The following SWT1 variants were observed in gnomAD, a reference collection of about 807,000 sequenced individuals.
SWT1 encodes the protein SWT1 RNA endoribonuclease homolog.
A neutral mutation model predicts 107.3 loss-of-function variants in SWT1; 33 were observed. That is an observed-to-expected ratio of 0.31 (90% CI 0.23 to 0.41). The LOEUF is 0.41. SWT1 is among the 10% of genes least tolerant of loss of function. The pLI is 1.00. For missense variants in SWT1, 898 were observed against 1,028.9 expected (o/e 0.87, Z 1.74); for synonymous variants, 345 against 348.3 (o/e 0.99, Z 0.11).
chr1:185,274,270 T>C (rs926165912), intron 17 of SWT1, among the ~76,000 whole-genome samples: 2 of 148,340 alleles, frequency 1.3e-5, no homozygotes, highest in African/African-American at 4.9e-5. Flanking sequence ...GTCAGATATA[T>C]GTAATATATA....
Position 185,205,354 on chromosome 1 carries a change from A to G in SWT1, c.1833+491A>G, listed in dbSNP as rs1227157109. 3.9e-5 allele frequency among the ~76,000 whole-genome samples: 6 copies of G among 152,194 alleles called. No homozygotes were observed. In the South Asian group the frequency reaches 1.2e-3, roughly 32 times the overall value. Reference sequence around the variant, plus strand: ...TAAAACTCTAATAATAATGGTTTCAAAAGTTCAGTGTTTTTTGTTTTGTTT... The same window carrying G: ...TAAAACTCTAATAATAATGGTTTCAGAAGTTCAGTGTTTTTTGTTTTGTTT... On this transcript the variant is annotated intron_variant, in intron 12 of 18. Transcript: ENST00000367500.
At chr1:185,198,225 A>C (rs1290391536) in intron 10 of SWT1, among the ~76,000 whole-genome samples, 1 of 152,174 alleles carries the variant, frequency 6.6e-6, no homozygotes, top group African/African-American at 2.4e-5. Context: ...CAGGTTGTTC[A>C]GTTTCCATGA....
At chr1:185,161,044 A>G (rs935580666) in intron 2 of SWT1, 119 bp downstream of exon 2, 3 of 748,108 alleles carry the variant, frequency 4.0e-6, no homozygotes, top group Admixed American at 2.9e-5. Context: ...CAGCCGATCC[A>G]GGAAAAGTCA....
chr1:185,267,352 C>T lies in SWT1; in HGVS notation c.2442-3971C>T, dbSNP rs117421110. On this transcript the variant is annotated intron_variant, in intron 16 of 18. Coordinates refer to ENST00000367500, the MANE Select transcript of SWT1 (RefSeq NM_017673.7). The stretch of plus-strand genomic sequence containing the variant: ...GGCAACTTGATCAAGGTCGCAAAAC[C>T]GAATTTAGGGTGTTAAAGCTGGGCT... 1.6e-4 allele frequency among the ~76,000 whole-genome samples: 24 copies of T among 152,208 alleles called. No individual in the cohort carries two copies. In the East Asian group the frequency reaches 3.9e-3, roughly 24 times the overall value.
chr1:185,268,990 C>T (rs1291932329), intron 16 of SWT1, among the ~76,000 whole-genome samples: 1 of 151,090 alleles, frequency 6.6e-6, no homozygotes, highest in African/African-American at 2.4e-5. Flanking sequence ...GTAGCTGGGA[C>T]TACAGGCGCC....
At chr1:185,262,871 C>T (rs774570319) in intron 16 of SWT1, among the ~76,000 whole-genome samples, 4 of 151,448 alleles carry the variant, frequency 2.6e-5, no homozygotes, top group Non-Finnish European at 5.9e-5. Context: ...ACTGCAGCCT[C>T]AACCTCCCCA....
At chr1:185,195,770 A>G (rs1657334772) in intron 10 of SWT1, among the ~76,000 whole-genome samples, 1 of 152,152 alleles carries the variant, frequency 6.6e-6, no homozygotes, top group South Asian at 2.1e-4. Context: ...CTTTTTCCAT[A>G]TGTTTGTTGA....
chr1:185,250,838 T>A (rs1661959219), intron 16 of SWT1, among the ~76,000 whole-genome samples: 1 of 152,054 alleles, frequency 6.6e-6, no homozygotes, highest in South Asian at 2.1e-4. Context: ...AACTTTTGTA[T>A]TTTTAGTAGA....
intron 16 of SWT1, among the ~76,000 whole-genome samples, chr1:185,269,380 T>TG (rs1171529529): frequency 3.3e-5 from 5 of 151,270 alleles, no homozygotes; most frequent in South Asian, 2.1e-4. Flanking sequence ...TTTGTTTTTT[T>TG]TTTTTTTTGT....
intron 10 of SWT1, among the ~76,000 whole-genome samples, chr1:185,201,480 C>T (rs945051583): frequency 1.3e-5 from 2 of 152,164 alleles, no homozygotes; most frequent in African/African-American, 4.8e-5. Flanking sequence ...CACAGTCCCT[C>T]ACAGCTTCCC....
chr1:185,264,443 A>G (rs1431824576), intron 16 of SWT1: 2 of 984,516 alleles, frequency 2.0e-6, no homozygotes, highest in Non-Finnish European at 2.4e-6. Context: ...CTAGTTGACA[A>G]GCTATGTGAT....
intron 14 of SWT1, among the ~76,000 whole-genome samples, chr1:185,217,388 G>A (rs1222297868): frequency 6.6e-6 from 1 of 152,146 alleles, no homozygotes; most frequent in Non-Finnish European, 1.5e-5. Context: ...TGTCAGATCA[G>A]CAGTGGGATT....
chr1:185,240,463 A>G (rs1228146978), intron 16 of SWT1, among the ~76,000 whole-genome samples: 1 of 152,026 alleles, frequency 6.6e-6, no homozygotes, highest in Non-Finnish European at 1.5e-5. Flanking sequence ...TTTTGAGGAC[A>G]TGCTTTTATA....
At chr1:185,250,564 A>G (rs1195914997) in intron 16 of SWT1, among the ~76,000 whole-genome samples, 2 of 151,708 alleles carry the variant, frequency 1.3e-5, no homozygotes, top group Non-Finnish European at 2.9e-5. Context: ...GCTCATCCCA[A>G]CTCCTTTGTG....
chr1:185,281,436 G>A (rs868250922), intron 18 of SWT1: 41 of 208,376 alleles, frequency 2.0e-4, no homozygotes, highest in African/African-American at 8.3e-4. Context: ...AGACACTACC[G>A]TGGGTACTCT....
intron 12 of SWT1, 92 bp downstream of exon 12, chr1:185,204,955 C>A: frequency 1.5e-6 from 1 of 673,384 alleles, no homozygotes; most frequent in Non-Finnish European, 2.3e-6. Flanking sequence ...AATGCATACG[C>A]TTCATTGAAT....
At chr1:185,260,070 G>C (rs1216062451) in intron 16 of SWT1, among the ~76,000 whole-genome samples, 1 of 152,146 alleles carries the variant, frequency 6.6e-6, no homozygotes, top group Non-Finnish European at 1.5e-5. Context: ...TTATTTTTAA[G>C]CTTAGGATGG....
intron 16 of SWT1, among the ~76,000 whole-genome samples, chr1:185,255,773 C>T (rs901351001): frequency 2.0e-5 from 3 of 150,470 alleles, no homozygotes; most frequent in Non-Finnish European, 4.4e-5. Flanking sequence ...GCATTTAGTC[C>T]ATTTACGTTT....
At position 185,271,409 on chromosome 1, in the gene SWT1, ATATT is replaced by A; in HGVS notation, c.2508+24_2508+27del. 8.0e-7 allele frequency: 1 copy of A among 1,242,632 alleles called. No individual in the cohort carries two copies. The highest frequency in any genetic ancestry group is 1.2e-6 in the Non-Finnish European group (1 of 852,142). The allele number at this position is 1,242,632 out of a possible 1,614,324, so 77.0% of individuals were successfully genotyped here. On this transcript the variant is annotated intron_variant, in intron 17 of 18. Coordinates refer to ENST00000367500, the MANE Select transcript of SWT1 (RefSeq NM_017673.7). ...TATGAGGTATGGGAAATATTTTAAA[ATATT>A]TATCACATTTCTACTTTAAACAAAT... is the stretch of plus-strand genomic sequence containing the variant.
Sources: gnomAD v4.1 joint callset for allele counts (sites outside exome capture counted in the v4.1 genomes callset) on GRCh38, gnomAD v4.1.1 for gene constraint, MANE v1.5 for transcripts, NCBI Gene and HGNC (gene_info 2026-07-23, HGNC 2026-07-21) for gene names.